Variants in GPR21 observed in about 807,000 individuals in gnomAD.
The protein encoded by GPR21 is G protein-coupled receptor 21.
GPR21 carries 9 observed loss-of-function variants against 21.5 expected under a neutral mutation model. The observed-to-expected ratio is 0.42, with a 90% CI of 0.25 to 0.73. The LOEUF (loss-of-function observed/expected upper bound fraction) is 0.73, where lower values mean the gene tolerates loss of function less well. Among genes scored for constraint, GPR21 ranks in the 30% least tolerant of loss-of-function variants. The probability of loss-of-function intolerance (pLI) is 0.27; values close to 1 mark genes in which losing one functional copy is unlikely to be tolerated. For missense variants in GPR21, 416 were observed against 428.9 expected (o/e 0.97, Z 0.27); for synonymous variants, 169 against 159.3 (o/e 1.06, Z -0.46).
chr9:123,043,806 G>T, the GPR21 span, among the ~76,000 whole-genome samples: 12 of 151,982 alleles, frequency 7.9e-5, no homozygotes, highest in South Asian at 2.5e-3. Context: ...GGTGAAAATG[G>T]TTGCCTCTAA....
At chr9:123,040,580 G>A (rs868857994), downstream of GPR21, among the ~76,000 whole-genome samples, 1 of 152,084 alleles carries the variant, frequency 6.6e-6, no homozygotes, top group Non-Finnish European at 1.5e-5. Context: ...TTAGTAGTCT[G>A]CAAGCCTGCA....
chr9:123,038,894 T>TA (rs2032809361), downstream of GPR21, among the ~76,000 whole-genome samples: 1 of 151,966 alleles, frequency 6.6e-6, no homozygotes, highest in Admixed American at 6.6e-5. Flanking sequence ...GAACTGAGAA[T>TA]AAAAAAATGT....
chr9:123,039,108 A>G (rs1355976290), downstream of GPR21, among the ~76,000 whole-genome samples: 1 of 152,174 alleles, frequency 6.6e-6, no homozygotes. Context: ...TGTATCTGCC[A>G]TTCTTCTACA....
Position 123,034,232 on chromosome 9 carries a change from T to A in GPR21, c.-335T>A. On this transcript the variant is annotated 5_prime_UTR_variant, in exon 2 of 2. Coordinates refer to ENST00000616002, the MANE Select transcript of GPR21 (RefSeq NM_005294.3). ...CTCCTAATCTTCTTCCCTTCTCTTCTACCCTTTCCCCCTACCCTCACTTGG... is the reference window on the plus strand; with the variant it reads ...CTCCTAATCTTCTTCCCTTCTCTTCAACCCTTTCCCCCTACCCTCACTTGG... The A allele has an allele frequency of 2.9e-6, 1 of 341,716 alleles. No homozygotes were observed. The highest frequency in any genetic ancestry group is 5.3e-6 in the Non-Finnish European group (1 of 190,146). 21.2% of individuals were successfully genotyped at this position (341,716 alleles called of 1,614,324 possible).
At chr9:123,041,317 A>T in the GPR21 span, among the ~76,000 whole-genome samples, 3 of 152,058 alleles carry the variant, frequency 2.0e-5, no homozygotes, top group Non-Finnish European at 4.4e-5. Context: ...TCTTGCCTTA[A>T]TTTTTTCTTA....
At chr9:123,045,849 G>T in the GPR21 span, among the ~76,000 whole-genome samples, 3 of 152,160 alleles carry the variant, frequency 2.0e-5, no homozygotes, top group Non-Finnish European at 2.9e-5. Context: ...GAATTATTGT[G>T]AAAATTAGGT....
the GPR21 span, among the ~76,000 whole-genome samples, chr9:123,048,168 A>T: frequency 6.6e-6 from 1 of 151,888 alleles, no homozygotes; most frequent in Admixed American, 6.6e-5. Context: ...CGAACTCCTG[A>T]CCTCAGGTGA....
At position 123,034,706 on chromosome 9, in the gene GPR21, T is replaced by C; in HGVS notation, c.140T>C (p.Ile47Thr). The C allele has an allele frequency of 6.2e-7, 1 of 1,613,572 alleles. No individual in the cohort carries two copies. Among genetic ancestry groups the C allele is most frequent in the Non-Finnish European group, 8.5e-7 (1 of 1,179,444 alleles). Residue 47 changes from isoleucine (I) to threonine (T), a missense_variant, in exon 2 of 2, where the codon ATC becomes ACC. Transcript: ENST00000616002. ...ACTGTATTGATTATTTCTGGCAACA[T>C]CATTGTGATTTTTGTATTTCACTGT... ...FLTVLIISGN[I>T]IVIFVFHCAP... is the part of the protein sequence containing the mutation.
the GPR21 span, among the ~76,000 whole-genome samples, chr9:123,043,970 G>A: frequency 1.4e-5 from 2 of 147,538 alleles, no homozygotes; most frequent in Admixed American, 1.4e-4. Context: ...GCGCGATCTC[G>A]GCTCACTGCA....
the GPR21 span, among the ~76,000 whole-genome samples, chr9:123,041,468 A>G: frequency 1.3e-5 from 2 of 152,196 alleles, no homozygotes; most frequent in East Asian, 1.9e-4. Flanking sequence ...TTCAAATCCA[A>G]TTCTTTGACT....
At chr9:123,047,936 T>TG in the GPR21 span, among the ~76,000 whole-genome samples, 3 of 80,864 alleles carry the variant, frequency 3.7e-5, no homozygotes, top group Non-Finnish European at 6.4e-5. Flanking sequence ...TTTTTTTTTT[T>TG]TTTTTTTTTT....
chr9:123,035,382 C>A lies in GPR21; in HGVS notation c.816C>A (p.Phe272Leu). ...TCTGGTTGCCATATATCATCTACTT[C>A]TTGTTGGAAAGCTCCACTGGCCACA... ...YILWLPYIIY[F>L]LLESSTGHSN... is the part of the protein sequence containing the mutation. The change falls in exon 2 of 2, where the codon TTC becomes TTA. Residue 272 changes from phenylalanine to leucine, a missense_variant. Phe to Leu is a conservative substitution (Grantham distance 22). Transcript: ENST00000616002. 6.2e-7 allele frequency: 1 copy of A among 1,614,130 alleles called. No individual in the cohort carries two copies. The highest frequency in any genetic ancestry group is 1.7e-4 in the Middle Eastern group (1 of 6,060).
At chr9:123,043,505 A>T in the GPR21 span, among the ~76,000 whole-genome samples, 2 of 152,212 alleles carry the variant, frequency 1.3e-5, no homozygotes, top group African/African-American at 4.8e-5. Context: ...AGAAAAAAAT[A>T]GAAAATTGAA....
chr9:123,041,332 C>G, the GPR21 span, among the ~76,000 whole-genome samples: 3 of 152,100 alleles, frequency 2.0e-5, no homozygotes, highest in Non-Finnish European at 4.4e-5. Flanking sequence ...TTCTTATATT[C>G]TACATTTAAT....
chr9:123,047,919 G>GTTTTTTTTTTTTTTTTTT, the GPR21 span, among the ~76,000 whole-genome samples: 13 of 62,282 alleles, frequency 2.1e-4, 4 homozygotes, highest in Non-Finnish European at 3.9e-4. Flanking sequence ...CAGCTGCTGG[G>GTTTTTTTTTTTTTTTTTT]TTTTTTTTTT....
chr9:123,048,038 C>G, the GPR21 span, among the ~76,000 whole-genome samples: 1 of 144,484 alleles, frequency 6.9e-6, no homozygotes, highest in East Asian at 2.0e-4. Context: ...CTCCCAGGTT[C>G]AAGCGATTCT....
the GPR21 span, among the ~76,000 whole-genome samples, chr9:123,047,995 A>G: frequency 1.3e-4 from 16 of 126,766 alleles, no homozygotes; most frequent in Middle Eastern, 0.013. Flanking sequence ...CTGGAGTGCA[A>G]TGGCGCGATC....
chr9:123,044,339 A>C, the GPR21 span, among the ~76,000 whole-genome samples: 8 of 152,288 alleles, frequency 5.3e-5, no homozygotes, highest in South Asian at 1.0e-3. Context: ...TAATAGCACT[A>C]TTTTACCTAT....
the GPR21 span, among the ~76,000 whole-genome samples, chr9:123,046,182 T>G: frequency 6.6e-6 from 1 of 152,232 alleles, no homozygotes; most frequent in African/African-American, 2.4e-5. Context: ...TCTCGGACAT[T>G]AGGATACACA....
Sources: allele counts gnomAD v4.1 joint callset (sites outside exome capture counted in the v4.1 genomes callset), GRCh38; gene constraint gnomAD v4.1.1; transcripts MANE v1.5; gene names NCBI Gene and HGNC (gene_info 2026-07-23, HGNC 2026-07-21).